The following RASAL2 variants were observed in gnomAD, a reference collection of about 807,000 sequenced individuals.
The protein encoded by RASAL2 is ras GTPase-activating protein nGAP.
In RASAL2, 58 loss-of-function variants were observed where a neutral mutation model predicts 128.9. The observed-to-expected ratio is 0.45, with a 90% CI of 0.36 to 0.56. RASAL2 has a LOEUF of 0.56. RASAL2 is among the 20% of genes least tolerant of loss of function. The pLI is 0.00. For missense variants in RASAL2, 1,360 were observed against 1,601.6 expected (o/e 0.85, Z 2.57); for synonymous variants, 561 against 580.8 (o/e 0.97, Z 0.49).
intron 1 of RASAL2, among the ~76,000 whole-genome samples, chr1:178,135,876 A>G (rs1211236030): frequency 6.6e-6 from 1 of 152,136 alleles, no homozygotes; most frequent in Admixed American, 6.6e-5. Context: ...GTCTCATGAG[A>G]CGTATTCACT....
chr1:178,182,842 T>C (rs1043859457), intron 1 of RASAL2, among the ~76,000 whole-genome samples: 2 of 97,178 alleles, frequency 2.1e-5, no homozygotes, highest in African/African-American at 7.8e-5. Flanking sequence ...AATTTTTCCA[T>C]GGACTGGGGT....
chr1:178,177,466 A>G (rs549935429), intron 1 of RASAL2, among the ~76,000 whole-genome samples: 25 of 152,374 alleles, frequency 1.6e-4, no homozygotes, highest in African/African-American at 5.3e-4. Flanking sequence ...AGTTTAGGTT[A>G]AACAGACAAA....
At position 178,291,069 on chromosome 1, in the gene RASAL2, T is replaced by G. The variant is rs974716408; in HGVS notation, c.330+7378T>G. On this transcript the variant is annotated intron_variant, in intron 2 of 17. Transcript: ENST00000367649. ...TATGGAGTGGAGAATGCCAAAAAAG[T>G]GTTTTACAGAGAAATTTATGCTTGG... Among the ~76,000 whole-genome samples, 4 of 152,188 alleles carry G rather than the reference T, an allele frequency of 2.6e-5. No individual in the cohort carries two copies. In the East Asian group the frequency reaches 7.7e-4, roughly 29 times the overall value.
chr1:178,336,644 TATAACTAA>T (rs1167000932), intron 3 of RASAL2, among the ~76,000 whole-genome samples: 1 of 151,626 alleles, frequency 6.6e-6, no homozygotes, highest in Non-Finnish European at 1.5e-5. Context: ...TGTATGTATG[TATAACTAA>T]ATAAATATAT....
intron 3 of RASAL2, among the ~76,000 whole-genome samples, chr1:178,304,127 A>G (rs981222778): frequency 1.3e-5 from 2 of 152,232 alleles, no homozygotes; most frequent in African/African-American, 4.8e-5. Context: ...GTACTGTCAC[A>G]TAAGTGGTCT....
At position 178,199,666 on chromosome 1, in the gene RASAL2, A is replaced by G. The variant is rs1305421322; in HGVS notation, c.203-83898A>G. Among the ~76,000 whole-genome samples the G allele has an allele frequency of 2.0e-5, 3 of 152,144 alleles. No homozygotes were observed. In the East Asian group the frequency reaches 5.8e-4, roughly 29 times the overall value. Reference sequence around the variant, plus strand: ...GTGCACATGTGAATATGTATGTTTCATGACAACCAATCTTCTGTGTTTTTT... The same window carrying G: ...GTGCACATGTGAATATGTATGTTTCGTGACAACCAATCTTCTGTGTTTTTT... On this transcript the variant is annotated intron_variant, in intron 1 of 17. Coordinates refer to ENST00000367649, the MANE Select transcript of RASAL2 (RefSeq NM_170692.4).
At chr1:178,299,867 T>C (rs1284174997) in intron 2 of RASAL2, 125 bp from the exon 3 acceptor site, 1 of 952,936 alleles carries the variant, frequency 1.0e-6, no homozygotes, top group Admixed American at 2.9e-5. Flanking sequence ...ACTTTATTTC[T>C]ATATTTCTCC....
intron 1 of RASAL2, among the ~76,000 whole-genome samples, chr1:178,161,380 A>G (rs1300554004): frequency 6.6e-6 from 1 of 152,154 alleles, no homozygotes; most frequent in Admixed American, 6.5e-5. Context: ...TACAGTATGG[A>G]CTTTGTGACT....
At chr1:178,157,683 C>T (rs1386809703) in intron 1 of RASAL2, among the ~76,000 whole-genome samples, 1 of 152,078 alleles carries the variant, frequency 6.6e-6, no homozygotes, top group African/African-American at 2.4e-5. Flanking sequence ...TACATAACCA[C>T]CACTATTGCA....
At chr1:178,234,419 A>G (rs1195679748) in intron 1 of RASAL2, among the ~76,000 whole-genome samples, 1 of 152,222 alleles carries the variant, frequency 6.6e-6, no homozygotes, top group East Asian at 1.9e-4. Flanking sequence ...CAAGCATGCA[A>G]ATCTTGAATA....
Position 178,346,594 on chromosome 1 carries a change from T to C in RASAL2, c.458-43506T>C, listed in dbSNP as rs1306106492. 2.6e-5 allele frequency among the ~76,000 whole-genome samples: 4 copies of C among 152,162 alleles called. No individual in the cohort carries two copies. In the East Asian group the frequency reaches 7.7e-4, roughly 29 times the overall value. On this transcript the variant is annotated intron_variant, in intron 3 of 17. Transcript: ENST00000367649. ...GTATAATTGCTGAAATTTTGAAATA[T>C]GCTTTTAGTATGTTAAGTTTTATTT...
intron 17 of RASAL2, among the ~76,000 whole-genome samples, chr1:178,472,064 T>C (rs1648324134): frequency 6.6e-6 from 1 of 152,256 alleles, no homozygotes; most frequent in African/African-American, 2.4e-5. Context: ...TTCTGAAAAC[T>C]ATAGACTTCA....
intron 4 of RASAL2, chr1:178,411,495 C>G: frequency 3.8e-6 from 2 of 526,276 alleles, no homozygotes; most frequent in Non-Finnish European, 6.9e-6. Flanking sequence ...CAAATCACCA[C>G]TAAAGAACTT....
intron 1 of RASAL2, among the ~76,000 whole-genome samples, chr1:178,166,705 G>A (rs996312380): frequency 3.9e-5 from 6 of 152,004 alleles, no homozygotes; most frequent in Admixed American, 3.3e-4. Flanking sequence ...AATTAAATAA[G>A]ACTTGGAAAT....
intron 1 of RASAL2, among the ~76,000 whole-genome samples, chr1:178,236,743 A>G (rs1479835214): frequency 6.9e-6 from 1 of 145,622 alleles, no homozygotes; most frequent in Non-Finnish European, 1.5e-5. Flanking sequence ...GTGATATTTT[A>G]TATTGGACAC....
chr1:178,158,773 T>G (rs1323715113), intron 1 of RASAL2, among the ~76,000 whole-genome samples: 1 of 152,350 alleles, frequency 6.6e-6, no homozygotes, highest in South Asian at 2.1e-4. Context: ...TGTTGAAATA[T>G]GTAAATGGAC....
intron 3 of RASAL2, among the ~76,000 whole-genome samples, chr1:178,348,739 T>TG (rs894302959): frequency 6.6e-6 from 1 of 151,808 alleles, no homozygotes; most frequent in African/African-American, 2.4e-5. Flanking sequence ...AGTGATGTTC[T>TG]GTAAAAGTCC....
At chr1:178,120,618 AC>A (rs1240813923) in intron 1 of RASAL2, among the ~76,000 whole-genome samples, 1 of 152,218 alleles carries the variant, frequency 6.6e-6, no homozygotes, top group Admixed American at 6.5e-5. Flanking sequence ...CTTGCCACTT[AC>A]TGATAGGGTT....
intron 1 of RASAL2, among the ~76,000 whole-genome samples, chr1:178,095,477 A>C (rs1571463571): frequency 6.6e-6 from 1 of 152,216 alleles, no homozygotes; most frequent in African/African-American, 2.4e-5. Flanking sequence ...TGGCTTTCCA[A>C]AATATTGAAA....
Sources: allele counts gnomAD v4.1 joint callset (sites outside exome capture counted in the v4.1 genomes callset), GRCh38; gene constraint gnomAD v4.1.1; transcripts MANE v1.5; gene names NCBI Gene and HGNC (gene_info 2026-07-23, HGNC 2026-07-21).